LYPD6B: variants seen among roughly 807,000 people sequenced by gnomAD.
The protein encoded by LYPD6B is LY6/PLAUR domain containing 6B.
LYPD6B carries 17 observed loss-of-function variants against 22.8 expected under a neutral mutation model. The observed-to-expected ratio is 0.75, with a 90% CI of 0.51 to 1.12. The LOEUF is 1.12. Among genes scored for constraint, LYPD6B ranks in the 50% most tolerant of loss-of-function variants. The pLI is 0.00. For synonymous variants in LYPD6B, 106 were observed against 91.6 expected (o/e 1.16, Z -0.90); for missense variants, 221 against 258.3 (o/e 0.86, Z 0.99).
At chr2:149,147,466 T>C (rs1466934139) in intron 2 of LYPD6B, among the ~76,000 whole-genome samples, 5 of 152,184 alleles carry the variant, frequency 3.3e-5, no homozygotes, top group Non-Finnish European at 5.9e-5. Context: ...CAGATCATAC[T>C]GTGTGATGCT....
intron 1 of LYPD6B, among the ~76,000 whole-genome samples, chr2:149,053,907 T>C (rs1683674371): frequency 6.6e-6 from 1 of 151,670 alleles, no homozygotes; most frequent in Non-Finnish European, 1.5e-5. Flanking sequence ...TTCATAATGG[T>C]TTCAAGGTTA....
rs1186200447 is a variant in LYPD6B, at chr2:149,038,760, C to G, written c.-108C>G. On this transcript the variant is annotated 5_prime_UTR_variant, in exon 1 of 7. Transcript: ENST00000409642. ...TGCGCTGGGAGCCTGGGCCGGGAGC[C>G]GGGTGAGGGCGCCGAGAGGCTCGGT... 6.6e-6 allele frequency: 1 copy of G among 151,188 alleles called. No individual in the cohort carries two copies. Among genetic ancestry groups the G allele is most frequent in the Non-Finnish European group, 1.5e-5 (1 of 67,802 alleles). 9.4% of individuals were successfully genotyped at this position (151,188 alleles called of 1,614,324 possible). A position where few individuals can be genotyped will look rare whatever the true frequency, so the allele number is the denominator to read the frequency against.
chr2:149,046,543 C>T (rs1011149699), intron 1 of LYPD6B, among the ~76,000 whole-genome samples: 4 of 151,646 alleles, frequency 2.6e-5, no homozygotes, highest in African/African-American at 7.3e-5. Flanking sequence ...GATGGGGTCC[C>T]GCTCTGTCAC....
intron 1 of LYPD6B, among the ~76,000 whole-genome samples, chr2:149,072,959 G>A (rs575821512): frequency 2.6e-5 from 4 of 152,286 alleles, no homozygotes; most frequent in Non-Finnish European, 5.9e-5. Context: ...AGAGGGAACA[G>A]CAAGTGCAAA....
At chr2:149,133,284 G>T (rs998701010) in intron 2 of LYPD6B, among the ~76,000 whole-genome samples, 2 of 152,178 alleles carry the variant, frequency 1.3e-5, no homozygotes, top group Admixed American at 1.3e-4. Context: ...AGCCTCTGTG[G>T]TTAGTTTAAT....
chr2:149,091,806 AC>A (rs1312406904), intron 1 of LYPD6B, among the ~76,000 whole-genome samples: 1 of 152,238 alleles, frequency 6.6e-6, no homozygotes, highest in African/African-American at 2.4e-5. Flanking sequence ...TAGAGAAGTT[AC>A]AGGCCTTTGT....
chr2:149,075,551 AGTT>A lies in LYPD6B; in HGVS notation c.-67+36753_-67+36755del, dbSNP rs539163138. 2.0e-5 allele frequency among the ~76,000 whole-genome samples: 3 copies of A among 152,226 alleles called. No individual in the cohort carries two copies. The South Asian group carries it at 6.2e-4, about 32-fold the overall frequency. ...AAATCATGCTTTTAAACTCTTTAAA[AGTT>A]GTCAAACTTCTCTTGGAGAAAAGAA... On this transcript the variant is annotated intron_variant, in intron 1 of 6. Coordinates refer to ENST00000409642, the MANE Select transcript of LYPD6B (RefSeq NM_177964.5).
At chr2:149,118,095 G>A (rs1313518468) in intron 1 of LYPD6B, 1 of 152,244 alleles carries the variant, frequency 6.6e-6, no homozygotes, top group African/African-American at 2.4e-5. Flanking sequence ...AAACTCCAAT[G>A]TCTTTTATGA....
chr2:149,053,622 C>T (rs973350), intron 1 of LYPD6B, among the ~76,000 whole-genome samples: 127,966 of 152,170 alleles, frequency 0.84, 54,359 homozygotes, highest in East Asian at 0.98. Flanking sequence ...TTAAAGTATA[C>T]GATTCAGTGG....
intron 1 of LYPD6B, among the ~76,000 whole-genome samples, chr2:149,127,386 G>A (rs1687762123): frequency 2.6e-5 from 4 of 152,140 alleles, no homozygotes; most frequent in Admixed American, 2.6e-4. Flanking sequence ...TTGGGATCAG[G>A]ACTGATCTGG....
chr2:149,084,212 T>C lies in LYPD6B; in HGVS notation c.-67+45411T>C, dbSNP rs943866401. The stretch of plus-strand genomic sequence containing the variant: ...TTCCCAACAACTTTCCAACCCTGTT[T>C]TTAAGTTTCCTTTGAGTCAATTAGC... On this transcript the variant is annotated intron_variant, in intron 1 of 6. Coordinates refer to ENST00000409642, the MANE Select transcript of LYPD6B (RefSeq NM_177964.5). Among the ~76,000 whole-genome samples the C allele has an allele frequency of 2.6e-5, 4 of 152,220 alleles. No individual in the cohort carries two copies. In the South Asian group the frequency reaches 8.3e-4, roughly 32 times the overall value.
chr2:149,040,223 T>C (rs1171959219), intron 1 of LYPD6B, among the ~76,000 whole-genome samples: 1 of 150,024 alleles, frequency 6.7e-6, no homozygotes, highest in African/African-American at 2.5e-5. Flanking sequence ...CTCTCTCTCT[T>C]TTTTTTTTTT....
chr2:149,154,801 G>T (rs889004063), intron 2 of LYPD6B, among the ~76,000 whole-genome samples: 8 of 152,100 alleles, frequency 5.3e-5, no homozygotes, highest in Admixed American at 2.0e-4. Flanking sequence ...CAGTAATTGA[G>T]CATTCACTGA....
At chr2:149,195,843 A>G (rs889816382) in intron 3 of LYPD6B, among the ~76,000 whole-genome samples, 4 of 152,168 alleles carry the variant, frequency 2.6e-5, no homozygotes, top group Admixed American at 2.0e-4. Context: ...ACTCTCTGCA[A>G]TATAGGTATT....
At chr2:149,105,074 T>A (rs1328840591) in intron 1 of LYPD6B, among the ~76,000 whole-genome samples, 4 of 152,192 alleles carry the variant, frequency 2.6e-5, no homozygotes, top group Non-Finnish European at 5.9e-5. Context: ...TGAATATACA[T>A]CCAATTGCTC....
At chr2:149,175,502 A>G (rs571140336) in intron 3 of LYPD6B, among the ~76,000 whole-genome samples, 99 of 152,088 alleles carry the variant, frequency 6.5e-4, no homozygotes, top group Non-Finnish European at 1.1e-3. Context: ...AAAACACTAT[A>G]CTTAGGCTAC....
intron 3 of LYPD6B, among the ~76,000 whole-genome samples, chr2:149,199,967 G>T (rs1048404823): frequency 1.3e-5 from 2 of 152,222 alleles, no homozygotes; most frequent in Non-Finnish European, 2.9e-5. Context: ...ACAGCCAGAA[G>T]CAAGTAAATG....
intron 1 of LYPD6B, among the ~76,000 whole-genome samples, chr2:149,088,878 AT>A (rs1158797556): frequency 6.6e-6 from 1 of 152,114 alleles, no homozygotes; most frequent in Non-Finnish European, 1.5e-5. Flanking sequence ...AAAATACACA[AT>A]TTGAGCCTTT....
At chr2:149,193,004 A>G (rs764809285) in intron 3 of LYPD6B, among the ~76,000 whole-genome samples, 30 of 152,184 alleles carry the variant, frequency 2.0e-4, no homozygotes, top group Non-Finnish European at 2.2e-4. Context: ...TACCCACAGC[A>G]GAAGACAGTT....
Sources: allele counts gnomAD v4.1 joint callset (sites outside exome capture counted in the v4.1 genomes callset), GRCh38; gene constraint gnomAD v4.1.1; transcripts MANE v1.5; gene names NCBI Gene and HGNC (gene_info 2026-07-23, HGNC 2026-07-21).